The following PLEKHA5 variants were observed in gnomAD, a reference collection of about 807,000 sequenced individuals.
The protein encoded by PLEKHA5 is pleckstrin homology domain containing A5, also known as pleckstrin homology domain-containing family A member 5.
A neutral mutation model predicts 181.9 loss-of-function variants in PLEKHA5; 55 were observed. That is an observed-to-expected ratio of 0.30 (90% CI 0.24 to 0.38). The LOEUF is 0.38. Among genes scored for constraint, PLEKHA5 ranks in the 10% least tolerant of loss-of-function variants. The probability of loss-of-function intolerance (pLI) is 1.00; values close to 1 mark genes in which losing one functional copy is unlikely to be tolerated. For synonymous variants in PLEKHA5, 535 were observed against 529.4 expected, an observed-to-expected ratio of 1.01 and a Z score of -0.15; for missense variants, 1,432 against 1,549.5, an observed-to-expected ratio of 0.92 and a Z score of 1.27.
At chr12:19,350,618 A>C (rs1275487958) in intron 25 of PLEKHA5, among the ~76,000 whole-genome samples, 1 of 152,128 alleles carries the variant, frequency 6.6e-6, no homozygotes, top group East Asian at 1.9e-4. Flanking sequence ...AAAATACAAA[A>C]ATTAGCCAGG....
chr12:19,234,533 C>T (rs1004260811), intron 3 of PLEKHA5, among the ~76,000 whole-genome samples: 2 of 152,186 alleles, frequency 1.3e-5, no homozygotes, highest in Admixed American at 6.5e-5. Flanking sequence ...CTTAGTATCC[C>T]TCATAAGCTT....
intron 3 of PLEKHA5, 31 bp from the exon 4 acceptor site, chr12:19,253,909 A>G (rs1444903311): frequency 3.4e-6 from 4 of 1,169,908 alleles, no homozygotes; most frequent in Non-Finnish European, 5.1e-6. Context: ...AAATACCTGC[A>G]TGTTCTGTTT....
At chr12:19,260,715 C>T (rs1487602305) in intron 6 of PLEKHA5, among the ~76,000 whole-genome samples, 2 of 151,924 alleles carry the variant, frequency 1.3e-5, no homozygotes, top group Non-Finnish European at 2.9e-5. Flanking sequence ...AAAAAATTAA[C>T]CTGGCATGGT....
chr12:19,155,930 T>C (rs2041578045), intron 3 of PLEKHA5, among the ~76,000 whole-genome samples: 1 of 152,206 alleles, frequency 6.6e-6, no homozygotes, highest in South Asian at 2.1e-4. Context: ...CTGTAAAGTA[T>C]ACGTTGAGTA....
chr12:19,135,705 A>G (rs1591768013), intron 3 of PLEKHA5, among the ~76,000 whole-genome samples: 1 of 152,256 alleles, frequency 6.6e-6, no homozygotes, highest in East Asian at 1.9e-4. Flanking sequence ...TAAACAAAGG[A>G]CCTGATCAGC....
At chr12:19,210,916 T>G (rs1047625386) in intron 3 of PLEKHA5, among the ~76,000 whole-genome samples, 30 of 152,164 alleles carry the variant, frequency 2.0e-4, no homozygotes, top group African/African-American at 7.2e-4. Flanking sequence ...GAAACAATTT[T>G]TTTTTTTATA....
rs61913270 is a variant in PLEKHA5, at chr12:19,130,201, C to A, written c.169+71C>A. ...GCAGAGCCCGGGCCGCCCGGCTCCC[C>A]GCAACCTGCCCCGCGCCGCGGGCCC... On this transcript the variant is annotated intron_variant, in intron 2 of 31. Coordinates refer to ENST00000429027, the MANE Select transcript of PLEKHA5 (RefSeq NM_001256470.2). The surrounding 1 kb of genome is among the most constrained non-coding windows in gnomAD (Gnocchi z 4.5). The A allele has an allele frequency of 0.9, 897,830 of 994,278 alleles. 412,035 individuals are homozygous for A. The highest frequency in any genetic ancestry group is 0.95 in the Non-Finnish European group (683,654 of 719,334). The allele number at this position is 994,278 out of a possible 1,614,324, so 61.6% of individuals were successfully genotyped here.
intron 3 of PLEKHA5, among the ~76,000 whole-genome samples, chr12:19,191,833 A>G (rs1245992907): frequency 6.6e-6 from 1 of 152,124 alleles, no homozygotes; most frequent in Non-Finnish European, 1.5e-5. Context: ...TTCTCTGCAT[A>G]AGGCTGCGTG....
rs541170087 is a variant in PLEKHA5, at chr12:19,255,313, G to A, written c.432+148G>A. On this transcript the variant is annotated intron_variant, in intron 5 of 31. Transcript: ENST00000429027. ...TAATTGATATAAGAAGCAACAGCCC[G>A]AAATACAAAGTAATAAGATTGTAAT... 1.8e-5 allele frequency: 8 copies of A among 450,528 alleles called. No individual in the cohort carries two copies. In the South Asian group the frequency reaches 4.2e-4, roughly 24 times the overall value. 27.9% of individuals were successfully genotyped at this position (450,528 alleles called of 1,614,324 possible).
chr12:19,347,263 C>CT (rs1289393429), intron 24 of PLEKHA5, 81 bp downstream of exon 24: 183 of 809,094 alleles, frequency 2.3e-4, no homozygotes, highest in South Asian at 4.7e-4. Flanking sequence ...TACACTCAAA[C>CT]TTTTTTTTTA....
intron 3 of PLEKHA5, among the ~76,000 whole-genome samples, chr12:19,197,116 C>T (rs750816768): frequency 6.6e-6 from 1 of 152,130 alleles, no homozygotes; most frequent in Non-Finnish European, 1.5e-5. Context: ...AGGGACCTCT[C>T]TGTTCAGATC....
intron 3 of PLEKHA5, among the ~76,000 whole-genome samples, chr12:19,136,145 G>A (rs959258140): frequency 1.3e-5 from 2 of 152,032 alleles, no homozygotes; most frequent in Admixed American, 6.6e-5. Flanking sequence ...CTTGGTCCCC[G>A]AAAATGGGGG....
chr12:19,190,977 A>G (rs1213525627), intron 3 of PLEKHA5, among the ~76,000 whole-genome samples: 1 of 152,202 alleles, frequency 6.6e-6, no homozygotes, highest in Non-Finnish European at 1.5e-5. Context: ...GAGTGTGGTG[A>G]CTAATTAGTT....
intron 3 of PLEKHA5, among the ~76,000 whole-genome samples, chr12:19,239,915 G>T (rs1306336070): frequency 6.6e-6 from 1 of 152,060 alleles, no homozygotes; most frequent in African/African-American, 2.4e-5. Flanking sequence ...TTATTTATTT[G>T]TATTTGTGAT....
intron 7 of PLEKHA5, 46 bp downstream of exon 7, chr12:19,261,067 G>T: frequency 1.0e-6 from 1 of 1,000,850 alleles, no homozygotes; most frequent in Non-Finnish European, 1.6e-6. Flanking sequence ...TAATTGATAT[G>T]TAATATAAGT....
chr12:19,195,892 G>A (rs1278204463), intron 3 of PLEKHA5, among the ~76,000 whole-genome samples: 1 of 151,942 alleles, frequency 6.6e-6, no homozygotes, highest in African/African-American at 2.4e-5. Flanking sequence ...TACTACAGAT[G>A]AACTTCAATT....
intron 23 of PLEKHA5, among the ~76,000 whole-genome samples, 152 bp from the exon 24 acceptor site, chr12:19,346,842 T>C (rs1341997632): frequency 6.6e-6 from 1 of 152,162 alleles, no homozygotes; most frequent in Non-Finnish European, 1.5e-5. Flanking sequence ...TAAAAAATTT[T>C]TGATTTTACT....
chr12:19,241,360 G>A (rs569344014), intron 3 of PLEKHA5, among the ~76,000 whole-genome samples: 108 of 152,294 alleles, frequency 7.1e-4, no homozygotes, highest in Non-Finnish European at 1.5e-3. Context: ...AGACTCAATA[G>A]TGAAGAGTCT....
intron 10 of PLEKHA5, 96 bp from the exon 11 acceptor site, chr12:19,274,420 C>A: frequency 1.3e-6 from 1 of 789,562 alleles, no homozygotes; most frequent in Non-Finnish European, 2.0e-6. Context: ...CCCTGGCCCC[C>A]ACCCCCGTAA....
Sources: gnomAD v4.1 joint callset for allele counts (sites outside exome capture counted in the v4.1 genomes callset) on GRCh38, gnomAD v4.1.1 for gene constraint, Gnocchi (gnomAD v3.1) non-coding constraint, MANE v1.5 for transcripts, NCBI Gene and HGNC (gene_info 2026-07-23, HGNC 2026-07-21) for gene names.